Variants in RAB3C observed in about 807,000 individuals in gnomAD.
RAB3C encodes the protein RAB3C, member RAS oncogene family, also known as ras-related protein Rab-3C.
In RAB3C, 17 loss-of-function variants were observed where a neutral mutation model predicts 26.4. The ratio of observed to expected loss-of-function variants is 0.64; its 90% CI spans 0.44 to 0.97. The LOEUF (loss-of-function observed/expected upper bound fraction) is 0.97, where lower values mean the gene tolerates loss of function less well. RAB3C is among the 50% of genes least tolerant of loss of function. The pLI is 0.00. For synonymous variants in RAB3C, 91 were observed against 95.9 expected, an observed-to-expected ratio of 0.95 and a Z score of 0.30; for missense variants, 242 against 281.9, an observed-to-expected ratio of 0.86 and a Z score of 1.01.
chr5:58,629,053 AAAG>A (rs1414025337), intron 2 of RAB3C, among the ~76,000 whole-genome samples: 18 of 143,744 alleles, frequency 1.3e-4, no homozygotes, highest in African/African-American at 4.1e-4. Flanking sequence ...AAAAAAAAAA[AAAG>A]GTGAAATTTA....
intron 4 of RAB3C, among the ~76,000 whole-genome samples, chr5:58,848,205 C>G (rs1744045119): frequency 6.6e-6 from 1 of 152,176 alleles, no homozygotes; most frequent in South Asian, 2.1e-4. Flanking sequence ...AGAAATACAG[C>G]TGTCATGATG....
At chr5:58,606,647 G>A (rs565641644) in intron 1 of RAB3C, among the ~76,000 whole-genome samples, 32 of 152,286 alleles carry the variant, frequency 2.1e-4, no homozygotes, top group African/African-American at 7.5e-4. Context: ...AGTAGGGTCC[G>A]ACAGACCTCA....
chr5:58,834,234 C>T lies in RAB3C; in HGVS notation c.496+9072C>T, dbSNP rs528207360. Among the ~76,000 whole-genome samples, 9 of 152,314 alleles carry T rather than the reference C, an allele frequency of 5.9e-5. No individual in the cohort carries two copies. The South Asian group carries it at 1.7e-3, about 28-fold the overall frequency. The stretch of plus-strand genomic sequence containing the variant: ...AAGGATCATTTAGTAAGCTGGGCAC[C>T]AAAGCCAGAGAAACATGGACAGCCC... On this transcript the variant is annotated intron_variant, in intron 4 of 4. Coordinates refer to ENST00000282878, the MANE Select transcript of RAB3C (RefSeq NM_138453.4).
intron 2 of RAB3C, among the ~76,000 whole-genome samples, chr5:58,641,388 G>A (rs749048544): frequency 1.8e-4 from 27 of 152,298 alleles, no homozygotes; most frequent in African/African-American, 5.5e-4. Flanking sequence ...GCCAGTGTGC[G>A]TGGTAACAAT....
At chr5:58,661,187 G>A (rs1308187354) in intron 2 of RAB3C, among the ~76,000 whole-genome samples, 1 of 150,182 alleles carries the variant, frequency 6.7e-6, no homozygotes, top group Non-Finnish European at 1.5e-5. Context: ...ATATCTTAAA[G>A]TATAGTCATG....
Position 58,857,240 on chromosome 5 carries a change from A to G in RAB3C, c.*5889A>G, listed in dbSNP as rs956294534. On this transcript the variant is annotated 3_prime_UTR_variant, in exon 5 of 5. Transcript: ENST00000282878. ...ATTTGTCTAGTGGTGCAATTTATAC[A>G]GTAAATATCTTATTGGTGTCATGTA... The G allele has an allele frequency of 6.6e-6, 1 of 152,190 alleles. No homozygotes were observed. Among genetic ancestry groups the G allele is most frequent in the African/African-American group, 2.4e-5 (1 of 41,454 alleles). 9.4% of individuals were successfully genotyped at this position (152,190 alleles called of 1,614,324 possible). A position where few individuals can be genotyped will look rare whatever the true frequency, so the allele number is the denominator to read the frequency against.
At chr5:58,763,355 C>G (rs944441457) in intron 3 of RAB3C, among the ~76,000 whole-genome samples, 2 of 152,106 alleles carry the variant, frequency 1.3e-5, no homozygotes, top group Non-Finnish European at 2.9e-5. Context: ...GCTGATAAAC[C>G]AAGGAGTGGT....
At chr5:58,732,984 A>C (rs575189170) in intron 3 of RAB3C, among the ~76,000 whole-genome samples, 1 of 152,160 alleles carries the variant, frequency 6.6e-6, no homozygotes, top group Admixed American at 6.5e-5. Flanking sequence ...TTTTAGCTAG[A>C]TTCTCATTTC....
At chr5:58,701,198 T>G (rs1037295284) in intron 2 of RAB3C, among the ~76,000 whole-genome samples, 3 of 152,072 alleles carry the variant, frequency 2.0e-5, no homozygotes, top group African/African-American at 7.2e-5. Context: ...AGATGGGGTT[T>G]CACCATGTTA....
chr5:58,627,471 TAAAAAAAAAAAAAAAAAA>T (rs58104232), intron 2 of RAB3C, among the ~76,000 whole-genome samples: 15 of 68,434 alleles, frequency 2.2e-4, no homozygotes, highest in Non-Finnish European at 3.5e-4. Context: ...GACTCCGTCT[TAAAAAAAAAAAAAAAAAA>T]AAAAAAAAAA....
chr5:58,835,072 A>G (rs868078), intron 4 of RAB3C, among the ~76,000 whole-genome samples: 7,729 of 152,250 alleles, frequency 0.051, 650 homozygotes, highest in African/African-American at 0.17. Context: ...TTTGGAGAAC[A>G]AATGGTATGG....
At chr5:58,680,535 T>C (rs1006725481) in intron 2 of RAB3C, among the ~76,000 whole-genome samples, 6 of 152,216 alleles carry the variant, frequency 3.9e-5, no homozygotes, top group Admixed American at 3.3e-4. Flanking sequence ...TGGCATAAAA[T>C]ACACAAATAT....
At chr5:58,696,646 T>G (rs1260764659) in intron 2 of RAB3C, among the ~76,000 whole-genome samples, 1 of 152,228 alleles carries the variant, frequency 6.6e-6, no homozygotes, top group Non-Finnish European at 1.5e-5. Context: ...TGGTTTAATC[T>G]TGGGAGTGTG....
intron 1 of RAB3C, among the ~76,000 whole-genome samples, chr5:58,602,669 C>T (rs2111688628): frequency 6.6e-6 from 1 of 152,268 alleles, no homozygotes; most frequent in South Asian, 2.1e-4. Flanking sequence ...TATCCCTGCT[C>T]ACTTTTGGTG....
At chr5:58,761,611 C>T (rs990570751) in intron 3 of RAB3C, among the ~76,000 whole-genome samples, 1 of 152,028 alleles carries the variant, frequency 6.6e-6, no homozygotes, top group African/African-American at 2.4e-5. Context: ...TCCTGGAAAC[C>T]CTGAACTTTG....
intron 1 of RAB3C, among the ~76,000 whole-genome samples, chr5:58,614,025 A>G (rs1561267033): frequency 2.0e-5 from 3 of 152,150 alleles, no homozygotes; most frequent in Admixed American, 2.0e-4. Context: ...GATGGATGCC[A>G]TGAAAGGGAC....
intron 1 of RAB3C, among the ~76,000 whole-genome samples, chr5:58,594,932 A>G (rs557200661): frequency 6.6e-6 from 1 of 150,694 alleles, no homozygotes; most frequent in African/African-American, 2.4e-5. Context: ...TTTATACCAC[A>G]TAGCACTGGA....
chr5:58,792,669 C>T (rs1442791035), intron 3 of RAB3C, among the ~76,000 whole-genome samples: 1 of 152,036 alleles, frequency 6.6e-6, no homozygotes, highest in African/African-American at 2.4e-5. Flanking sequence ...CCCAACAACC[C>T]TTCCTATAGA....
chr5:58,821,881 T>C (rs951535446), intron 3 of RAB3C, among the ~76,000 whole-genome samples: 4 of 152,360 alleles, frequency 2.6e-5, no homozygotes, highest in African/African-American at 7.2e-5. Flanking sequence ...ATTTGCTTTT[T>C]ATTCCCTCTT....
Sources: gnomAD v4.1 joint callset for allele counts (sites outside exome capture counted in the v4.1 genomes callset) on GRCh38, gnomAD v4.1.1 for gene constraint, MANE v1.5 for transcripts, NCBI Gene and HGNC (gene_info 2026-07-23, HGNC 2026-07-21) for gene names.